The following ITIH4 variants were observed in gnomAD, a reference collection of about 807,000 sequenced individuals.
ITIH4 encodes the protein inter-alpha-trypsin inhibitor heavy chain H4.
ITIH4 carries 79 observed loss-of-function variants against 111.8 expected under a neutral mutation model. The ratio of observed to expected loss-of-function variants is 0.71; its 90% confidence interval spans 0.59 to 0.85. The LOEUF is 0.85. Ranked by LOEUF, ITIH4 falls within the 40% of genes least tolerant of loss-of-function variation. The pLI is 0.00. For synonymous variants in ITIH4, 472 were observed against 468.3 expected, an observed-to-expected ratio of 1.01 and a Z score of -0.10; for missense variants, 1,065 against 1,195.8, an observed-to-expected ratio of 0.89 and a Z score of 1.61.
rs1700314014 is a variant in ITIH4 at position 52,818,252 on chromosome 3, C to G, written c.2179+5G>C. 6.3e-7 allele frequency: 1 copy of G among 1,583,708 alleles called. No homozygotes were observed. Among genetic ancestry groups the G allele is most frequent in the South Asian group, 1.2e-5 (1 of 85,380 alleles). On this transcript the variant is annotated splice_donor_5th_base_variant and intron_variant, in intron 19 of 23. Transcript: ENST00000266041. Reference sequence around the variant, plus strand: ...GGAAAGGGGCCAAGGGGGCTGGGAACTTACCTGGGGTTTGGGTTGTCATGG... The same window carrying G: ...GGAAAGGGGCCAAGGGGGCTGGGAAGTTACCTGGGGTTTGGGTTGTCATGG...
Position 52,817,057 on chromosome 3 carries a change from C to T in ITIH4, c.2298G>A (p.Gly766=). The part of the protein sequence containing the change: ...PVNLLSDPEQ[G]VEVTGQYERE... ...TCTCATACTGGCCAGTCACCTCAAC[C>T]CCTGGGAGGACCAGACCAGAGAGGT... The change falls in exon 21 of 24, where the codon GGG becomes GGA. Residue 766 remains glycine (G), a splice_region_variant and synonymous_variant. Coordinates refer to ENST00000266041, the MANE Select transcript of ITIH4 (RefSeq NM_002218.5). 6.2e-7 allele frequency: 1 copy of T among 1,612,634 alleles called. No homozygotes were observed. Among genetic ancestry groups the T allele is most frequent in the Non-Finnish European group, 8.5e-7 (1 of 1,179,280 alleles).
Position 52,829,107 on chromosome 3 carries a change from G to A in ITIH4, c.251+12C>T. 7 of 835,006 alleles carry A rather than the reference G, an allele frequency of 8.4e-6. No individual in the cohort carries two copies. Among genetic ancestry groups the A allele is most frequent in the South Asian group, 1.3e-5 (1 of 76,648 alleles). 51.7% of individuals were successfully genotyped at this position (835,006 alleles called of 1,614,324 possible). ...GGGTGTGGAGAGGGGAGGAGGGTGG[G>A]AAGGCACCTACATGGAGAAGTTGGT... On this transcript the variant is annotated intron_variant, in intron 2 of 23. Coordinates refer to ENST00000266041, the MANE Select transcript of ITIH4 (RefSeq NM_002218.5).
intron 21 of ITIH4, among the ~76,000 whole-genome samples, chr3:52,815,264 G>A (rs191226832): frequency 1.7e-4 from 24 of 139,660 alleles, no homozygotes; most frequent in Admixed American, 1.6e-3. Flanking sequence ...TTTTTTTTGA[G>A]ACGGAGTCTC....
rs1578772877 is a variant in ITIH4 at position 52,818,237 on chromosome 3, C to T, written c.2179+20G>A. On this transcript the variant is annotated intron_variant, in intron 19 of 23. Coordinates refer to ENST00000266041, the MANE Select transcript of ITIH4 (RefSeq NM_002218.5). ...TGGGGGCAAGGATGTGGAAAGGGGC[C>T]AAGGGGGCTGGGAACTTACCTGGGG... 6.3e-7 allele frequency: 1 copy of T among 1,585,824 alleles called. No individual in the cohort carries two copies. The highest frequency in any genetic ancestry group is 2.2e-5 in the East Asian group (1 of 44,580).
In ITIH4 at chr3:52,820,664, G is replaced by C; in HGVS notation, c.1801C>G (p.Gln601Glu). The C allele has an allele frequency of 6.2e-7, 1 of 1,613,582 alleles. No individual in the cohort carries two copies. The highest frequency in any genetic ancestry group is 8.5e-7 in the Non-Finnish European group (1 of 1,179,714). ...MVVTKPDDQE[Q>E]SQVAEKPMEG... ...ATGGGCTTCTCAGCAACTTGAGACT[G>C]CTCTTGGTCATCGGGTTTGGTGACT... The change falls in exon 13 of 24, where the codon CAG becomes GAG. Residue 601 changes from glutamine to glutamate, a missense_variant. By Grantham distance (29) the Gln-to-Glu change is conservative. Coordinates refer to ENST00000266041, the MANE Select transcript of ITIH4 (RefSeq NM_002218.5).
Position 52,824,564 on chromosome 3 carries a change from G to C in ITIH4, c.878C>G (p.Thr293Ser), listed in dbSNP as rs1378738576. Residue 293 changes from threonine to serine, a missense_variant and splice_region_variant, in exon 8 of 24, where the codon ACC becomes AGC. By Grantham distance (58) the Thr-to-Ser change is moderately conservative. Transcript: ENST00000266041. This position sits in a 1 kb window ranked among gnomAD's most constrained non-coding sequence, Gnocchi z 4.3. ...GSMSGRKIQQTREALIKILDD... is the reference protein window; with the variant it reads ...GSMSGRKIQQSREALIKILDD... ...CAGGATCTTGATTAGGGCTTCCCGG[G>C]TCTGGTCAGGGAGAGGAAACATAGG... is the stretch of plus-strand genomic sequence containing the variant. 6.8e-6 allele frequency: 11 copies of C among 1,610,126 alleles called. No individual in the cohort carries two copies. The highest frequency in any genetic ancestry group is 9.3e-6 in the Non-Finnish European group (11 of 1,179,072).
rs756758736 is a variant in ITIH4 at position 52,820,771 on chromosome 3, T to A, written c.1694A>T (p.Asp565Val). Residue 565 changes from aspartate to valine, a missense_variant, in exon 13 of 24, where the codon GAT becomes GTT. Asp to Val is a radical substitution (Grantham distance 152). Transcript: ENST00000266041. ...QLLEQTVSASDADQQALRNQA... is the reference protein window; with the variant it reads ...QLLEQTVSASVADQQALRNQA... ...GTTCCGGAGGGCCTGCTGATCAGCATCGGATGCGGAGACACTGTAGGTGGA... is the reference window on the plus strand; with the variant it reads ...GTTCCGGAGGGCCTGCTGATCAGCAACGGATGCGGAGACACTGTAGGTGGA... 1.9e-6 allele frequency: 3 copies of A among 1,612,408 alleles called. No individual in the cohort carries two copies. The East Asian group carries it at 6.7e-5, about 36-fold the overall frequency.
Position 52,824,455 on chromosome 3 carries a change from G to C in ITIH4, c.987C>G (p.Ala329=), listed in dbSNP as rs138228467. The C allele has an allele frequency of 6.2e-7, 1 of 1,614,212 alleles. No homozygotes were observed. Among genetic ancestry groups the C allele is most frequent in the African/African-American group, 1.3e-5 (1 of 75,054 alleles). ...ATQWRPSLVP[A]SAENVNKARS... ...TGGCCTTGTTCACGTTCTCGGCTGAGGCTGGCACCAGTGATGGCCTCCACT... is the reference window on the plus strand; with the variant it reads ...TGGCCTTGTTCACGTTCTCGGCTGACGCTGGCACCAGTGATGGCCTCCACT... The change falls in exon 8 of 24, where the codon GCC becomes GCG. Residue 329 remains alanine, a synonymous_variant. Coordinates refer to ENST00000266041, the MANE Select transcript of ITIH4 (RefSeq NM_002218.5). The surrounding 1 kb of genome is among the most constrained non-coding windows in gnomAD (Gnocchi z 4.3).
At position 52,821,122 on chromosome 3, in the gene ITIH4, C is replaced by T. The variant is rs767912701; in HGVS notation, c.1548G>A (p.Gln516=). ...TATVSGKLPT[Q]NITFQTESSV... is the part of the protein sequence containing the mutation. Reference sequence around the variant, plus strand: ...TGGACTCCGTTTGGAAAGTGATGTTCTGTGTAGGCTGGAAAGAGGGGCCCA... The same window carrying T: ...TGGACTCCGTTTGGAAAGTGATGTTTTGTGTAGGCTGGAAAGAGGGGCCCA... The change falls in exon 12 of 24, where the codon CAG becomes CAA. Residue 516 remains glutamine, a synonymous_variant. Coordinates refer to ENST00000266041, the MANE Select transcript of ITIH4 (RefSeq NM_002218.5). 1 of 1,613,184 alleles carries T rather than the reference C, an allele frequency of 6.2e-7. No individual in the cohort carries two copies. The highest frequency in any genetic ancestry group is 8.5e-7 in the Non-Finnish European group (1 of 1,179,916).
Position 52,820,726 on chromosome 3 carries a change from A to G in ITIH4, c.1739T>C (p.Leu580Pro), listed in dbSNP as rs566983509. The change falls in exon 13 of 24, where the codon CTT becomes CCT. Residue 580 changes from leucine (L) to proline (P), a missense_variant. Coordinates refer to ENST00000266041, the MANE Select transcript of ITIH4 (RefSeq NM_002218.5). ...ALRNQALNLSLAYSFVTPLTS... is the reference protein window; with the variant it reads ...ALRNQALNLSPAYSFVTPLTS... ...GAGAGGCGTGACAAAGCTGTAGGCA[A>G]GTGATAAATTCAGCGCTTGGTTCCG... 6.2e-7 allele frequency: 1 copy of G among 1,614,108 alleles called. No homozygotes were observed. The highest frequency in any genetic ancestry group is 1.1e-5 in the South Asian group (1 of 91,072).
intron 11 of ITIH4, among the ~76,000 whole-genome samples, chr3:52,821,887 C>G (rs549613279): frequency 3.3e-5 from 5 of 152,312 alleles, no homozygotes; most frequent in South Asian, 2.1e-4. Flanking sequence ...ACTGGAGCAG[C>G]CTGTCTCTCG....
At chr3:52,821,467 T>C (rs1041397554) in intron 11 of ITIH4, among the ~76,000 whole-genome samples, 4 of 149,720 alleles carry the variant, frequency 2.7e-5, no homozygotes, top group Non-Finnish European at 1.5e-5. Context: ...GATTTGCAAG[T>C]GCAGTGTGGA....
intron 11 of ITIH4, chr3:52,822,458 G>C (rs1238640540): frequency 6.6e-6 from 1 of 152,178 alleles, no homozygotes; most frequent in Non-Finnish European, 1.5e-5. Context: ...ACTCCCCTGA[G>C]TCACCTTGGG....
intron 21 of ITIH4, among the ~76,000 whole-genome samples, chr3:52,814,680 C>T (rs1197226605): frequency 1.3e-5 from 2 of 152,064 alleles, no homozygotes; most frequent in South Asian, 2.1e-4. Flanking sequence ...TGTGCCTCCT[C>T]GGCTCAAGTG....
chr3:52,828,034 G>T (rs998778283), intron 2 of ITIH4, among the ~76,000 whole-genome samples: 1 of 152,210 alleles, frequency 6.6e-6, no homozygotes, highest in African/African-American at 2.4e-5. Flanking sequence ...CTCTAGCCCG[G>T]GATGGGGCTG....
In ITIH4 at chr3:52,824,618, T is replaced by C; in HGVS notation, c.877-53A>G. The C allele has an allele frequency of 6.4e-7, 1 of 1,554,280 alleles. No homozygotes were observed. The highest frequency in any genetic ancestry group is 8.7e-7 in the Non-Finnish European group (1 of 1,144,040). On this transcript the variant is annotated intron_variant, in intron 7 of 23. Coordinates refer to ENST00000266041, the MANE Select transcript of ITIH4 (RefSeq NM_002218.5). This position sits in a 1 kb window ranked among gnomAD's most constrained non-coding sequence, Gnocchi z 4.3. ...TTCAGAAGGGCTCCCTGAGGGCTCGTGTGCCCTAGGGCTGGCATCCTTGGA... is the reference window on the plus strand; with the variant it reads ...TTCAGAAGGGCTCCCTGAGGGCTCGCGTGCCCTAGGGCTGGCATCCTTGGA...
intron 11 of ITIH4, among the ~76,000 whole-genome samples, chr3:52,823,181 G>C (rs1341878086): frequency 6.6e-6 from 1 of 152,160 alleles, no homozygotes. Context: ...TGGCCTGGTT[G>C]CAGTGGGGCC....
chr3:52,820,463 G>T, intron 13 of ITIH4, 146 bp from the exon 14 acceptor site: 1 of 1,161,970 alleles, frequency 8.6e-7, no homozygotes, highest in Non-Finnish European at 1.2e-6. Flanking sequence ...AATTTGGGGA[G>T]ACAGGAGACC....
At chr3:52,823,792 T>C in intron 10 of ITIH4, 31 bp downstream of exon 10, 1 of 1,613,844 alleles carries the variant, frequency 6.2e-7, no homozygotes, top group Non-Finnish European at 8.5e-7. Flanking sequence ...TGCCCACTTC[T>C]CTGTGCAGCC....
Sources: allele counts gnomAD v4.1 joint callset (sites outside exome capture counted in the v4.1 genomes callset), GRCh38; gene constraint gnomAD v4.1.1; non-coding constraint Gnocchi (gnomAD v3.1); transcripts MANE v1.5; gene names NCBI Gene and HGNC (gene_info 2026-07-23, HGNC 2026-07-21).